Variants in HPSE2 observed in about 807,000 individuals in gnomAD.
The protein encoded by HPSE2 is heparanase 2 (inactive).
HPSE2 carries 38 observed loss-of-function variants against 60.5 expected under a neutral mutation model. The ratio of observed to expected loss-of-function variants is 0.63; its 90% CI spans 0.48 to 0.82. HPSE2 has a LOEUF of 0.82. Ranked by LOEUF, HPSE2 falls within the 40% of genes least tolerant of loss-of-function variation. The probability of loss-of-function intolerance (pLI) is 0.00; values close to 1 mark genes in which losing one functional copy is unlikely to be tolerated. For missense variants in HPSE2, 713 were observed against 740.4 expected (o/e 0.96, Z 0.43); for synonymous variants, 295 against 293.2 (o/e 1.01, Z -0.06).
intron 9 of HPSE2, among the ~76,000 whole-genome samples, chr10:98,608,383 G>A (rs1035903074): frequency 1.3e-5 from 2 of 152,210 alleles, no homozygotes; most frequent in African/African-American, 4.8e-5. Context: ...GCAACTGCTA[G>A]TGTTGTTGCC....
chr10:98,734,126 T>C (rs1409922819), intron 4 of HPSE2, among the ~76,000 whole-genome samples: 2 of 152,212 alleles, frequency 1.3e-5, no homozygotes, highest in African/African-American at 4.8e-5. Context: ...CTTTTGTGAC[T>C]GGATTCTTTC....
intron 2 of HPSE2, among the ~76,000 whole-genome samples, chr10:99,164,228 TA>T (rs1341825432): frequency 0.41 from 129 of 312 alleles, 3 homozygotes; most frequent in South Asian, 0.5. Flanking sequence ...ATTCAAGCAT[TA>T]TATATATATA....
At chr10:98,623,288 AG>A (rs1287647455) in intron 7 of HPSE2, among the ~76,000 whole-genome samples, 1 of 152,178 alleles carries the variant, frequency 6.6e-6, no homozygotes, top group Non-Finnish European at 1.5e-5. Context: ...AGAGACAATA[AG>A]TAGACTAATG....
Position 98,915,602 on chromosome 10 carries a change from C to T in HPSE2, c.611-171546G>A, listed in dbSNP as rs143817350. On this transcript the variant is annotated intron_variant, in intron 3 of 11. Coordinates refer to ENST00000370552, the MANE Select transcript of HPSE2 (RefSeq NM_021828.5). Reference sequence around the variant, plus strand: ...TAGAATCATCAAAACTCTGTACTCACGCTTTAACAACATAACCAAAAGCCT... The same window carrying T: ...TAGAATCATCAAAACTCTGTACTCATGCTTTAACAACATAACCAAAAGCCT... 1.7e-3 allele frequency among the ~76,000 whole-genome samples: 263 copies of T among 152,294 alleles called. 1 individual carries two copies. The highest frequency in any genetic ancestry group is 5.9e-3 in the African/African-American group (244 of 41,558).
At chr10:98,534,866 A>T (rs549245611) in intron 9 of HPSE2, among the ~76,000 whole-genome samples, 1 of 152,364 alleles carries the variant, frequency 6.6e-6, no homozygotes, top group Non-Finnish European at 1.5e-5. Flanking sequence ...CAAAGGCAAC[A>T]TCAATAAAAG....
At chr10:98,600,857 ATATATATACGTATATATG>A (rs1421448753) in intron 9 of HPSE2, among the ~76,000 whole-genome samples, 2 of 144,878 alleles carry the variant, frequency 1.4e-5, no homozygotes, top group Non-Finnish European at 3.0e-5. Context: ...CACACATATT[ATATATATACGTATATATG>A]TATATATACA....
At chr10:99,299,087 A>T in the HPSE2 span, among the ~76,000 whole-genome samples, 1 of 151,954 alleles carries the variant, frequency 6.6e-6, no homozygotes, top group South Asian at 2.1e-4. Context: ...TCCTAGATGA[A>T]CCCCTCCTAG....
chr10:98,589,644 G>A (rs1016325165), intron 9 of HPSE2, among the ~76,000 whole-genome samples: 7 of 152,168 alleles, frequency 4.6e-5, no homozygotes, highest in Non-Finnish European at 1.0e-4. Context: ...CTGTGAGCTT[G>A]TCCTTCGTTG....
chr10:99,190,511 A>G (rs564460996), intron 2 of HPSE2, among the ~76,000 whole-genome samples: 1 of 152,354 alleles, frequency 6.6e-6, no homozygotes, highest in Non-Finnish European at 1.5e-5. Context: ...CCACACAGTT[A>G]GAGTTCATAT....
chr10:98,472,691 T>A (rs577641701), intron 11 of HPSE2, among the ~76,000 whole-genome samples: 1 of 152,172 alleles, frequency 6.6e-6, no homozygotes, highest in Non-Finnish European at 1.5e-5. Context: ...CAAAAAAGAA[T>A]CTGGAAGAAA....
chr10:98,949,249 T>TGC (rs1003789042), intron 3 of HPSE2, among the ~76,000 whole-genome samples: 11 of 67,736 alleles, frequency 1.6e-4, no homozygotes, highest in African/African-American at 7.9e-4. Context: ...CACGCATGCG[T>TGC]GCACACACAC....
At chr10:98,487,527 G>T (rs1941486306) in intron 10 of HPSE2, among the ~76,000 whole-genome samples, 1 of 152,182 alleles carries the variant, frequency 6.6e-6, no homozygotes, top group Non-Finnish European at 1.5e-5. Flanking sequence ...ATGTAGATGT[G>T]ATACCGTAGA....
At position 98,483,488 on chromosome 10, in the gene HPSE2, G is replaced by A. The variant is rs185978830; in HGVS notation, c.1467-706C>T. Among the ~76,000 whole-genome samples, 73 of 152,316 alleles carry A rather than the reference G, an allele frequency of 4.8e-4. 1 individual carries two copies. The highest frequency in any genetic ancestry group is 1.7e-3 in the African/African-American group (70 of 41,568). On this transcript the variant is annotated intron_variant, in intron 10 of 11. Coordinates refer to ENST00000370552, the MANE Select transcript of HPSE2 (RefSeq NM_021828.5). ...TTTTTGATTATTTCTGATGGATAAA[G>A]TCCTAGACGTTGGAATCATTAGTCC...
At chr10:98,809,841 CTTTAA>C (rs1951126973) in intron 3 of HPSE2, among the ~76,000 whole-genome samples, 1 of 152,092 alleles carries the variant, frequency 6.6e-6, no homozygotes, top group Non-Finnish European at 1.5e-5. Context: ...AAGACATTGA[CTTTAA>C]TTAAGTGCTT....
intron 3 of HPSE2, among the ~76,000 whole-genome samples, chr10:98,769,694 G>T (rs887598497): frequency 1.3e-5 from 2 of 152,118 alleles, no homozygotes; most frequent in Non-Finnish European, 2.9e-5. Context: ...GGAAGGAGAT[G>T]GTTAAGAAAA....
At chr10:98,472,906 C>T (rs1032935892) in intron 11 of HPSE2, among the ~76,000 whole-genome samples, 3 of 152,102 alleles carry the variant, frequency 2.0e-5, no homozygotes, top group Admixed American at 6.6e-5. Flanking sequence ...TGCCTTATAC[C>T]TGTATTAGAG....
chr10:98,696,616 G>A lies in HPSE2; in HGVS notation c.957-2669C>T, dbSNP rs949248194. Among the ~76,000 whole-genome samples the A allele has an allele frequency of 6.9e-5, 10 of 145,626 alleles. No individual in the cohort carries two copies. The East Asian group carries it at 1.9e-3, about 27-fold the overall frequency. The stretch of plus-strand genomic sequence containing the variant: ...GGCGAGGGTCCCAACCATGGAATGC[G>A]TAGATTCTCAACAGCCACTAAGCTA... On this transcript the variant is annotated intron_variant, in intron 5 of 11. Transcript: ENST00000370552.
At chr10:98,987,414 G>A (rs962841356) in intron 3 of HPSE2, among the ~76,000 whole-genome samples, 1 of 152,128 alleles carries the variant, frequency 6.6e-6, no homozygotes, top group East Asian at 1.9e-4. Context: ...TATCTCAATA[G>A]ATGCAGAAAA....
At chr10:98,758,435 CA>C (rs879187760) in intron 3 of HPSE2, among the ~76,000 whole-genome samples, 1 of 151,752 alleles carries the variant, frequency 6.6e-6, no homozygotes, top group Non-Finnish European at 1.5e-5. Context: ...TCTATGTATC[CA>C]AAAAAGGTCT....
Sources: allele counts gnomAD v4.1 joint callset (sites outside exome capture counted in the v4.1 genomes callset), GRCh38; gene constraint gnomAD v4.1.1; transcripts MANE v1.5; gene names NCBI Gene and HGNC (gene_info 2026-07-23, HGNC 2026-07-21).